The following FASTKD1 variants were observed in gnomAD, a reference collection of about 807,000 sequenced individuals.
The protein encoded by FASTKD1 is FAST kinase domain-containing protein 1, mitochondrial.
Under a neutral mutation model 90.9 loss-of-function variants are expected in FASTKD1, and 94 were observed. The observed-to-expected ratio is 1.03, with a 90% CI of 0.88 to 1.23. The LOEUF (loss-of-function observed/expected upper bound fraction) is 1.23, where lower values mean the gene tolerates loss of function less well. Among genes scored for constraint, FASTKD1 ranks in the 50% most tolerant of loss-of-function variants. The probability of loss-of-function intolerance (pLI) is 0.00; values close to 1 mark genes in which losing one functional copy is unlikely to be tolerated. For synonymous variants in FASTKD1, 319 were observed against 345.8 expected, an observed-to-expected ratio of 0.92 and a Z score of 0.86; for missense variants, 945 against 993.5, an observed-to-expected ratio of 0.95 and a Z score of 0.66.
chr2:169,531,000 T>C (rs776748979), intron 13 of FASTKD1: 3 of 664,336 alleles, frequency 4.5e-6, no homozygotes, highest in Admixed American at 3.6e-5. Context: ...ACACAGCTTA[T>C]AGTCTAACAG....
At chr2:169,531,276 G>T in intron 13 of FASTKD1, 76 bp downstream of exon 13, 1 of 1,437,290 alleles carries the variant, frequency 7.0e-7, no homozygotes, top group Non-Finnish European at 9.8e-7. Flanking sequence ...TTCAATCCTT[G>T]ATCACTGACT....
At chr2:169,558,097 T>C (rs2105400804) in intron 5 of FASTKD1, among the ~76,000 whole-genome samples, 1 of 152,342 alleles carries the variant, frequency 6.6e-6, no homozygotes. Context: ...ATAAACTATG[T>C]TGTTACAGTA....
At chr2:169,549,169 C>T (rs142412944) in intron 7 of FASTKD1, among the ~76,000 whole-genome samples, 4,165 of 151,988 alleles carry the variant, frequency 0.027, 82 homozygotes, top group East Asian at 0.11. Flanking sequence ...CCGAGGTGGG[C>T]GGATTACCTG....
At chr2:169,548,865 CGGGCAGA>C (rs1559147321) in intron 7 of FASTKD1, among the ~76,000 whole-genome samples, 1 of 151,024 alleles carries the variant, frequency 6.6e-6, no homozygotes, top group East Asian at 2.0e-4. Context: ...GAGGCCAAGG[CGGGCAGA>C]TCACGAGGTC....
At chr2:169,559,936 C>T (rs1468076108) in intron 5 of FASTKD1, among the ~76,000 whole-genome samples, 1 of 152,194 alleles carries the variant, frequency 6.6e-6, no homozygotes, top group Admixed American at 6.5e-5. Flanking sequence ...AAAATTTGCT[C>T]AAACCTGACA....
At chr2:169,538,191 G>C (rs775570189) in intron 10 of FASTKD1, 50 bp from the exon 11 acceptor site, 1 of 1,507,328 alleles carries the variant, frequency 6.6e-7, no homozygotes, top group Non-Finnish European at 8.9e-7. Context: ...ACCTAGGAAA[G>C]ACAACCCATT....
intron 4 of FASTKD1, among the ~76,000 whole-genome samples, chr2:169,562,780 G>T (rs975577526): frequency 2.6e-5 from 4 of 152,040 alleles, no homozygotes; most frequent in Admixed American, 2.0e-4. Context: ...AAAGATTCAG[G>T]TTTCCTAAGC....
chr2:169,559,800 A>AG (rs1480403964), intron 5 of FASTKD1, among the ~76,000 whole-genome samples: 10 of 152,238 alleles, frequency 6.6e-5, no homozygotes, highest in African/African-American at 2.4e-4. Context: ...GCCTAGGAAG[A>AG]GAAACTCTTA....
rs1240425550 is a variant in FASTKD1, at chr2:169,560,463, G to A, written c.895C>T (p.Leu299=). ...AKKKLTEMIP[L]CNHPASFVKL... is the part of the protein sequence containing the mutation. ...ACAAAGCTAGCAGGATGATTACACA[G>A]AGGAATCATTTCAGTTAGCTTCTTT... Residue 299 remains leucine, a synonymous_variant, in exon 5 of 15, where the codon CTG becomes TTG. Transcript: ENST00000453153. 3.8e-6 allele frequency: 6 copies of A among 1,598,536 alleles called. No homozygotes were observed. The Admixed American group carries it at 5.3e-5, about 14-fold the overall frequency.
intron 10 of FASTKD1, among the ~76,000 whole-genome samples, chr2:169,539,271 C>CAAA (rs558999338): frequency 7.5e-6 from 1 of 133,610 alleles, no homozygotes; most frequent in African/African-American, 2.8e-5. Context: ...GACTCCATCT[C>CAAA]AAAAAAAAAA....
chr2:169,532,003 G>C (rs942436582), intron 12 of FASTKD1, among the ~76,000 whole-genome samples: 1 of 152,174 alleles, frequency 6.6e-6, no homozygotes, highest in African/African-American at 2.4e-5. Context: ...TCTGAATGAT[G>C]GATTTAGGCA....
chr2:169,548,187 T>C (rs905330337), intron 7 of FASTKD1, among the ~76,000 whole-genome samples: 2 of 152,020 alleles, frequency 1.3e-5, no homozygotes, highest in Non-Finnish European at 1.5e-5. Flanking sequence ...ATGTTTCCAG[T>C]GCTGTCGCTG....
chr2:169,563,468 A>G, intron 3 of FASTKD1, 118 bp from the exon 4 acceptor site: 1 of 671,822 alleles, frequency 1.5e-6, no homozygotes, highest in Non-Finnish European at 2.1e-6. Context: ...TTTTTTTTCT[A>G]AAATGTTATT....
chr2:169,536,995 ATT>A (rs769352998), intron 12 of FASTKD1: 138 of 239,518 alleles, frequency 5.8e-4, no homozygotes, highest in South Asian at 1.7e-3. Context: ...ACTGACCTTA[ATT>A]TTTTTTTTTT....
In FASTKD1 at chr2:169,571,893, C is replaced by A; in HGVS notation, c.137G>T (p.Cys46Phe). 1.9e-6 allele frequency: 3 copies of A among 1,614,040 alleles called. No homozygotes were observed. The highest frequency in any genetic ancestry group is 1.7e-6 in the Non-Finnish European group (2 of 1,179,972). Residue 46 changes from cysteine to phenylalanine, a missense_variant, in exon 2 of 15, where the codon TGT (cysteine) becomes TTT (phenylalanine). Physicochemically the swap from Cys to Phe is radical, Grantham distance 205. Coordinates refer to ENST00000453153, the MANE Select transcript of FASTKD1 (RefSeq NM_024622.6). ...CEPLIIQMNK[C>F]TDEEQMFGFI... is the part of the protein sequence containing the mutation. Reference sequence around the variant, plus strand: ...ACCAAACATTTGCTCCTCATCTGTACACTTATTCATCTGAATAATTAGTGG... The same window carrying A: ...ACCAAACATTTGCTCCTCATCTGTAAACTTATTCATCTGAATAATTAGTGG...
chr2:169,544,683 A>T (rs756978358), intron 9 of FASTKD1, 38 bp downstream of exon 9: 2 of 1,117,012 alleles, frequency 1.8e-6, no homozygotes, highest in Non-Finnish European at 2.7e-6. Flanking sequence ...GTATCCTCTG[A>T]CTTATTCACT....
Position 169,569,202 on chromosome 2 carries a change from G to A in FASTKD1, c.428C>T (p.Ala143Val). The A allele has an allele frequency of 6.2e-7, 1 of 1,613,956 alleles. No individual in the cohort carries two copies. The highest frequency in any genetic ancestry group is 8.5e-7 in the Non-Finnish European group (1 of 1,179,962). ...DPLVEALVTE[A>V]WRRLERFDIK... The stretch of plus-strand genomic sequence containing the variant: ...TACTTGCCTTTCTAGCCTTCTCCAT[G>A]CTTCTGTAACTAGTGCTTCAACTAG... The change falls in exon 3 of 15, where the codon GCA becomes GTA. Residue 143 changes from alanine (A) to valine (V), a missense_variant. Transcript: ENST00000453153.
Position 169,531,624 on chromosome 2 carries a change from G to C in FASTKD1, c.2189-134C>G, listed in dbSNP as rs1574361760. ...TCACAAAAGAATGACGAACCTCTCA[G>C]ATTATCCAAGTTATTTTTATAAGAT... On this transcript the variant is annotated intron_variant, in intron 12 of 14. Transcript: ENST00000453153. 3 of 656,524 alleles carry C rather than the reference G, an allele frequency of 4.6e-6. No individual in the cohort carries two copies. The East Asian group carries it at 8.6e-5, about 19-fold the overall frequency. 40.7% of individuals were successfully genotyped at this position (656,524 alleles called of 1,614,324 possible). A position where few individuals can be genotyped will look rare whatever the true frequency, so the allele number is the denominator to read the frequency against.
chr2:169,537,256 G>A lies in FASTKD1; in HGVS notation c.2159C>T (p.Ser720Leu), dbSNP rs781765852. ...TTTGTGGTAATAAGGCGTAAGAACCGAGGCTTTTACACAATTGATTCCTCC... is the reference window on the plus strand; with the variant it reads ...TTTGTGGTAATAAGGCGTAAGAACCAAGGCTTTTACACAATTGATTCCTCC... Reference protein sequence around the residue: ...VLGGINCVKASVLTPYYHKVD... With the variant: ...VLGGINCVKALVLTPYYHKVD... Residue 720 changes from serine to leucine, a missense_variant, in exon 12 of 15, where the codon TCG becomes TTG. By Grantham distance (145) the Ser-to-Leu change is moderately radical. Transcript: ENST00000453153. The A allele has an allele frequency of 1.1e-5, 17 of 1,611,866 alleles. No homozygotes were observed. Among genetic ancestry groups the A allele is most frequent in the Middle Eastern group, 1.7e-4 (1 of 6,058 alleles).
Sources: allele counts gnomAD v4.1 joint callset (sites outside exome capture counted in the v4.1 genomes callset), GRCh38; gene constraint gnomAD v4.1.1; transcripts MANE v1.5; gene names NCBI Gene and HGNC (gene_info 2026-07-23, HGNC 2026-07-21).